The following PCDH7 variants were observed in gnomAD, a reference collection of about 807,000 sequenced individuals.
PCDH7 encodes the protein protocadherin-7.
A neutral mutation model predicts 58.9 loss-of-function variants in PCDH7; 17 were observed. The observed-to-expected ratio is 0.29, with a 90% confidence interval of 0.20 to 0.43. PCDH7 has a LOEUF of 0.43. Among genes scored for constraint, PCDH7 ranks in the 20% least tolerant of loss-of-function variants. The pLI, the probability that PCDH7 is intolerant of heterozygous loss-of-function variation, is 1.00. For synonymous variants in PCDH7, 664 were observed against 616.4 expected (o/e 1.08, Z -1.14); for missense variants, 1,274 against 1,441.0 (o/e 0.88, Z 1.88).
chr4:30,868,490 T>C (rs1222580409), intron 1 of PCDH7, among the ~76,000 whole-genome samples: 1 of 152,136 alleles, frequency 6.6e-6, no homozygotes, highest in Non-Finnish European at 1.5e-5. Context: ...CAAGGAATGT[T>C]CAGTGCCTTC....
chr4:30,770,885 GA>G (rs1215571849), intron 1 of PCDH7, among the ~76,000 whole-genome samples: 3 of 152,098 alleles, frequency 2.0e-5, no homozygotes, highest in African/African-American at 7.2e-5. Context: ...GATTTATTAT[GA>G]AAGAAATTTT....
At chr4:31,086,390 G>A (rs1297599354) in intron 3 of PCDH7, among the ~76,000 whole-genome samples, 1 of 152,112 alleles carries the variant, frequency 6.6e-6, no homozygotes, top group African/African-American at 2.4e-5. Context: ...GTGTGTCTGT[G>A]TGTGCACATC....
At chr4:31,123,257 G>A (rs996295131) in intron 3 of PCDH7, among the ~76,000 whole-genome samples, 31 of 152,038 alleles carry the variant, frequency 2.0e-4, no homozygotes, top group Non-Finnish European at 4.3e-4. Flanking sequence ...CCAGGAAAGA[G>A]GGTATTAAGT....
At chr4:31,001,702 G>T (rs1288770852) in intron 3 of PCDH7, among the ~76,000 whole-genome samples, 1 of 152,100 alleles carries the variant, frequency 6.6e-6, no homozygotes, top group Admixed American at 6.6e-5. Flanking sequence ...GTGTAGTGAA[G>T]AAAGAATGAA....
chr4:30,785,691 T>C (rs1334384830), intron 1 of PCDH7, among the ~76,000 whole-genome samples: 1 of 152,018 alleles, frequency 6.6e-6, no homozygotes, highest in Non-Finnish European at 1.5e-5. Flanking sequence ...AATAAGTTGG[T>C]CCAACATTCA....
At chr4:30,978,522 G>T (rs1750272856) in intron 3 of PCDH7, among the ~76,000 whole-genome samples, 1 of 152,064 alleles carries the variant, frequency 6.6e-6, no homozygotes, top group African/African-American at 2.4e-5. Flanking sequence ...AGAAAGTTTA[G>T]ATTTGGTTCA....
chr4:31,005,862 T>C (rs1402731029), intron 3 of PCDH7, among the ~76,000 whole-genome samples: 1 of 152,144 alleles, frequency 6.6e-6, no homozygotes, highest in Non-Finnish European at 1.5e-5. Flanking sequence ...GAAAGCTCAT[T>C]TGGATGGTGC....
At chr4:31,031,284 C>T (rs1236276255) in intron 3 of PCDH7, among the ~76,000 whole-genome samples, 2 of 152,192 alleles carry the variant, frequency 1.3e-5, no homozygotes, top group Admixed American at 1.3e-4. Flanking sequence ...AACGGGGATG[C>T]AACTGGCATT....
intron 1 of PCDH7, among the ~76,000 whole-genome samples, chr4:30,801,013 A>G (rs28454800): frequency 0.012 from 1,847 of 152,286 alleles, 38 homozygotes; most frequent in African/African-American, 0.042. Flanking sequence ...GGAAGGAGGG[A>G]TGCTTGTCAG....
intron 1 of PCDH7, among the ~76,000 whole-genome samples, chr4:30,867,402 T>C (rs1735011693): frequency 6.6e-6 from 1 of 152,104 alleles, no homozygotes; most frequent in South Asian, 2.1e-4. Context: ...TTGTAATTAT[T>C]TACAACATTT....
chr4:30,843,323 G>A (rs1335993899), intron 1 of PCDH7, among the ~76,000 whole-genome samples: 1 of 151,898 alleles, frequency 6.6e-6, no homozygotes, highest in African/African-American at 2.4e-5. Context: ...TGCCTCTGCC[G>A]CTGGAGTAGC....
intron 3 of PCDH7, among the ~76,000 whole-genome samples, chr4:31,090,762 T>A (rs761536540): frequency 6.6e-6 from 1 of 152,098 alleles, no homozygotes; most frequent in Non-Finnish European, 1.5e-5. Flanking sequence ...AGAAGCATAG[T>A]ATTTTTTAAA....
At chr4:30,923,405 C>T (rs1743437601) in intron 2 of PCDH7, among the ~76,000 whole-genome samples, 1 of 152,098 alleles carries the variant, frequency 6.6e-6, no homozygotes, top group South Asian at 2.1e-4. Flanking sequence ...AAAGCGTTAT[C>T]TTCCTTCTGT....
chr4:31,041,872 A>G (rs1042900757), intron 3 of PCDH7, among the ~76,000 whole-genome samples: 1 of 152,212 alleles, frequency 6.6e-6, no homozygotes, highest in Admixed American at 6.5e-5. Context: ...TCCAAGGGGC[A>G]TAAAATAAAC....
At chr4:30,985,871 T>G (rs114255735) in intron 3 of PCDH7, among the ~76,000 whole-genome samples, 66 of 152,326 alleles carry the variant, frequency 4.3e-4, no homozygotes, top group African/African-American at 1.4e-3. Flanking sequence ...AATATTCCAT[T>G]GTCTTTTCAT....
chr4:30,981,641 T>A (rs1750577433), intron 3 of PCDH7, among the ~76,000 whole-genome samples: 1 of 152,182 alleles, frequency 6.6e-6, no homozygotes, highest in African/African-American at 2.4e-5. Flanking sequence ...CTTTTTAAAT[T>A]AATAGAATAT....
In PCDH7 at chr4:30,857,232, C is replaced by T. The variant is rs560134760; in HGVS notation, c.71-62921C>T. On this transcript the variant is annotated intron_variant, in intron 1 of 3. Transcript: ENST00000509759. ...TCATTTAATAGGCATATTTTAGAAA[C>T]CTAATTTCTCTGTCTGCGTCACATC... Among the ~76,000 whole-genome samples the T allele has an allele frequency of 2.0e-5, 3 of 152,136 alleles. No individual in the cohort carries two copies. In the South Asian group the frequency reaches 6.2e-4, roughly 32 times the overall value.
At chr4:30,915,724 A>G (rs1475527182) in intron 1 of PCDH7, among the ~76,000 whole-genome samples, 1 of 152,062 alleles carries the variant, frequency 6.6e-6, no homozygotes, top group African/African-American at 2.4e-5. Context: ...GGGTTTCACC[A>G]TGTTGGCCAG....
chr4:31,085,337 A>G (rs1712260695), intron 3 of PCDH7, among the ~76,000 whole-genome samples: 1 of 151,996 alleles, frequency 6.6e-6, no homozygotes, highest in South Asian at 2.1e-4. Context: ...GAGTTTAGGG[A>G]GAGTCGGAAT....
Sources: allele counts gnomAD v4.1 joint callset (sites outside exome capture counted in the v4.1 genomes callset), GRCh38; gene constraint gnomAD v4.1.1; transcripts MANE v1.5; gene names NCBI Gene and HGNC (gene_info 2026-07-23, HGNC 2026-07-21).